Variants in FRMD5 observed in about 807,000 individuals in gnomAD.
FRMD5 encodes FERM domain containing 5, also known as FERM domain-containing protein 5.
Under a neutral mutation model 69.0 loss-of-function variants are expected in FRMD5, and 20 were observed. The observed-to-expected ratio is 0.29, with a 90% CI of 0.20 to 0.42. FRMD5 has a LOEUF of 0.42. Ranked by LOEUF, FRMD5 falls within the 10% of genes least tolerant of loss-of-function variation. The probability of loss-of-function intolerance (pLI) is 1.00; values close to 1 mark genes in which losing one functional copy is unlikely to be tolerated. For missense variants in FRMD5, 595 were observed against 708.6 expected (o/e 0.84, Z 1.82); for synonymous variants, 271 against 260.1 (o/e 1.04, Z -0.40).
intron 1 of FRMD5, among the ~76,000 whole-genome samples, chr15:44,014,776 A>G (rs1301613756): frequency 1.3e-5 from 2 of 152,130 alleles, no homozygotes; most frequent in East Asian, 3.8e-4. Context: ...TACCTACCTC[A>G]AGAGTTGTTA....
At chr15:44,094,823 A>G (rs1337730971) in intron 1 of FRMD5, among the ~76,000 whole-genome samples, 2 of 152,146 alleles carry the variant, frequency 1.3e-5, no homozygotes, top group Non-Finnish European at 2.9e-5. Flanking sequence ...CTCTTTAATC[A>G]GACCAAGTTC....
intron 1 of FRMD5, among the ~76,000 whole-genome samples, chr15:43,958,047 A>C (rs1440458669): frequency 6.6e-6 from 1 of 152,174 alleles, no homozygotes; most frequent in Non-Finnish European, 1.5e-5. Context: ...ATTTTTTTGA[A>C]TATATCTAAG....
At chr15:43,990,862 T>A (rs1889641678) in intron 1 of FRMD5, among the ~76,000 whole-genome samples, 1 of 152,232 alleles carries the variant, frequency 6.6e-6, no homozygotes, top group East Asian at 1.9e-4. Flanking sequence ...CTTCAATGAC[T>A]TTTACATAAG....
At chr15:44,065,148 AAGTTGCTATG>A in intron 1 of FRMD5, among the ~76,000 whole-genome samples, 1 of 152,310 alleles carries the variant, frequency 6.6e-6, no homozygotes, top group East Asian at 1.9e-4. Context: ...ATAACTCACA[AAGTTGCTATG>A]AGAATTAAAC....
chr15:43,888,456 T>C (rs1179775300), intron 9 of FRMD5, among the ~76,000 whole-genome samples, 190 bp from the exon 10 acceptor site: 3 of 152,108 alleles, frequency 2.0e-5, no homozygotes, highest in African/African-American at 7.2e-5. Context: ...CCAATCAGGG[T>C]AAGTCTCAGC....
chr15:43,990,070 G>C, intron 1 of FRMD5: 1 of 710,750 alleles, frequency 1.4e-6, no homozygotes, highest in Non-Finnish European at 2.6e-6. Flanking sequence ...CTGGTGTCTG[G>C]GGCGCCCCAC....
chr15:44,132,766 T>G (rs199541354), intron 1 of FRMD5, among the ~76,000 whole-genome samples: 9 of 143,244 alleles, frequency 6.3e-5, no homozygotes, highest in African/African-American at 1.7e-4. Flanking sequence ...ATGTATGTAT[T>G]TATTTTTTTG....
chr15:44,017,052 G>T (rs905408493), intron 1 of FRMD5, among the ~76,000 whole-genome samples: 1 of 151,874 alleles, frequency 6.6e-6, no homozygotes, highest in Non-Finnish European at 1.5e-5. Context: ...TTAAAAGCAT[G>T]AACTGGCCGG....
chr15:44,194,807 C>T, intron 1 of FRMD5, 146 bp downstream of exon 1: 1 of 760,680 alleles, frequency 1.3e-6, no homozygotes, highest in Non-Finnish European at 2.2e-6. Context: ...ACGCCCTGCA[C>T]TAGGGCGGTC....
intron 1 of FRMD5, among the ~76,000 whole-genome samples, chr15:44,104,063 T>C (rs1199709030): frequency 6.6e-6 from 1 of 152,324 alleles, no homozygotes; most frequent in South Asian, 2.1e-4. Flanking sequence ...ATGTGTGTTA[T>C]TTCCCCTGAA....
intron 1 of FRMD5, among the ~76,000 whole-genome samples, chr15:44,081,213 T>C (rs1893983735): frequency 6.6e-6 from 1 of 152,146 alleles, no homozygotes; most frequent in African/African-American, 2.4e-5. Flanking sequence ...TTACACTCCA[T>C]AGCCCTTCCC....
intron 10 of FRMD5, 46 bp downstream of exon 10, chr15:43,888,129 A>C (rs1251918773): frequency 6.9e-7 from 1 of 1,455,108 alleles, no homozygotes. Context: ...ACTCTCTCTG[A>C]CTCTGGCTCT....
intron 1 of FRMD5, among the ~76,000 whole-genome samples, chr15:44,039,945 T>C (rs1446589985): frequency 2.0e-5 from 3 of 151,846 alleles, no homozygotes; most frequent in Non-Finnish European, 2.9e-5. Context: ...TTAGATGAAT[T>C]GCTAACTAGA....
intron 1 of FRMD5, among the ~76,000 whole-genome samples, chr15:44,164,824 C>T (rs931614865): frequency 6.6e-6 from 1 of 152,180 alleles, no homozygotes; most frequent in African/African-American, 2.4e-5. Context: ...GCAGAAGCAG[C>T]TAAGACAGCT....
chr15:43,875,795 C>A, intron 13 of FRMD5: 1 of 578,944 alleles, frequency 1.7e-6, no homozygotes, highest in African/African-American at 2.3e-5. Flanking sequence ...CTTTGGTGTC[C>A]TGGGCCTAGT....
chr15:44,103,444 T>C (rs1197501889), intron 1 of FRMD5, among the ~76,000 whole-genome samples: 2 of 152,208 alleles, frequency 1.3e-5, no homozygotes, highest in African/African-American at 4.8e-5. Context: ...TTACCTTCCC[T>C]CACAACATGT....
chr15:44,112,222 G>A (rs1426279460), intron 1 of FRMD5, among the ~76,000 whole-genome samples: 1 of 152,044 alleles, frequency 6.6e-6, no homozygotes, highest in South Asian at 2.1e-4. Context: ...TTTTAAAGTT[G>A]TGCTATATTG....
intron 1 of FRMD5, among the ~76,000 whole-genome samples, chr15:44,108,117 T>G (rs2076745312): frequency 6.6e-6 from 1 of 152,142 alleles, no homozygotes; most frequent in Non-Finnish European, 1.5e-5. Context: ...TTAAAAGGTA[T>G]AAAAACAAAA....
intron 1 of FRMD5, among the ~76,000 whole-genome samples, chr15:44,182,115 A>G (rs2078012788): frequency 6.6e-6 from 1 of 151,166 alleles, no homozygotes; most frequent in Non-Finnish European, 1.5e-5. Context: ...GGTTCAAGCA[A>G]TTTTCCTGCC....
Sources: allele counts gnomAD v4.1 joint callset (sites outside exome capture counted in the v4.1 genomes callset), GRCh38; gene constraint gnomAD v4.1.1; transcripts MANE v1.5; gene names NCBI Gene and HGNC (gene_info 2026-07-23, HGNC 2026-07-21).